CFAP299: variants seen among roughly 807,000 people sequenced by gnomAD.
CFAP299 encodes the protein cilia- and flagella-associated protein 299.
CFAP299 carries 21 observed loss-of-function variants against 27.0 expected under a neutral mutation model. The ratio of observed to expected loss-of-function variants is 0.78; its 90% CI spans 0.55 to 1.12. CFAP299 has a LOEUF of 1.12. CFAP299 is among the 50% of genes most tolerant of loss of function. CFAP299 has a pLI of 0.00. For missense variants in CFAP299, 310 were observed against 276.6 expected (o/e 1.12, Z -0.86); for synonymous variants, 104 against 98.1 (o/e 1.06, Z -0.36).
intron 4 of CFAP299, among the ~76,000 whole-genome samples, chr4:80,932,761 A>G (rs1736684517): frequency 6.6e-6 from 1 of 152,190 alleles, no homozygotes; most frequent in African/African-American, 2.4e-5. Context: ...CAGTGTTTAA[A>G]TGATTTGTAG....
chr4:80,611,508 T>C (rs1438027372), intron 3 of CFAP299, among the ~76,000 whole-genome samples: 1 of 152,122 alleles, frequency 6.6e-6, no homozygotes, highest in Non-Finnish European at 1.5e-5. Context: ...AGTTACACTC[T>C]GATAACTTTG....
chr4:80,833,969 A>C (rs1218293767), intron 3 of CFAP299, among the ~76,000 whole-genome samples: 4 of 152,224 alleles, frequency 2.6e-5, no homozygotes. Flanking sequence ...AGTAGATGGA[A>C]GCGTTCACTG....
rs543731351 is a variant in CFAP299 at position 80,768,909 on chromosome 4, T to C, written c.334-101084T>C. Among the ~76,000 whole-genome samples the C allele has an allele frequency of 1.1e-4, 17 of 152,282 alleles. No individual in the cohort carries two copies. The South Asian group carries it at 2.3e-3, about 20-fold the overall frequency. On this transcript the variant is annotated intron_variant, in intron 3 of 5. Coordinates refer to ENST00000358105, the MANE Select transcript of CFAP299 (RefSeq NM_152770.3). ...TGAAGTGTACCTTAACAATAATTAATAGCATATGCTATGATAGCTCAGAGG... is the reference window on the plus strand; with the variant it reads ...TGAAGTGTACCTTAACAATAATTAACAGCATATGCTATGATAGCTCAGAGG...
chr4:80,660,245 T>G (rs1740773817), intron 3 of CFAP299, among the ~76,000 whole-genome samples: 1 of 152,088 alleles, frequency 6.6e-6, no homozygotes, highest in African/African-American at 2.4e-5. Flanking sequence ...ACCTGGTTTC[T>G]CCAACAAATC....
At chr4:80,387,856 G>A (rs967722780) in intron 2 of CFAP299, 2 of 1,288,796 alleles carry the variant, frequency 1.6e-6, no homozygotes, top group Middle Eastern at 1.9e-4. Flanking sequence ...TTTAGCCCGT[G>A]GGGTCTTCAG....
At chr4:80,392,310 G>T (rs750367138) in intron 2 of CFAP299, among the ~76,000 whole-genome samples, 3 of 152,178 alleles carry the variant, frequency 2.0e-5, no homozygotes, top group Non-Finnish European at 4.4e-5. Flanking sequence ...GGGACTGTTG[G>T]AAGGGCATGA....
chr4:80,677,757 A>T (rs1352745200), intron 3 of CFAP299, among the ~76,000 whole-genome samples: 1 of 152,076 alleles, frequency 6.6e-6, no homozygotes, highest in African/African-American at 2.4e-5. Context: ...TCACAATGTA[A>T]TGCCTTGCTA....
chr4:80,522,639 T>C (rs1168595787), intron 2 of CFAP299, among the ~76,000 whole-genome samples: 1 of 152,162 alleles, frequency 6.6e-6, no homozygotes, highest in Non-Finnish European at 1.5e-5. Flanking sequence ...TTAGATCTTA[T>C]GTTTGTCTTT....
chr4:80,361,047 T>C lies in CFAP299; in HGVS notation c.112-1707T>C, dbSNP rs116693018. Among the ~76,000 whole-genome samples, 152 of 152,338 alleles carry C rather than the reference T, an allele frequency of 1.0e-3. 1 individual carries two copies. Among genetic ancestry groups the C allele is most frequent in the Non-Finnish European group, 1.9e-3 (132 of 68,034 alleles). On this transcript the variant is annotated intron_variant, in intron 1 of 5. Coordinates refer to ENST00000358105, the MANE Select transcript of CFAP299 (RefSeq NM_152770.3). Reference sequence around the variant, plus strand: ...GTAGCTTTGCTCTTAACTAGGATATTTCAAGACATGCAAGAAATACGTTGT... The same window carrying C: ...GTAGCTTTGCTCTTAACTAGGATATCTCAAGACATGCAAGAAATACGTTGT...
intron 3 of CFAP299, among the ~76,000 whole-genome samples, chr4:80,694,457 T>C (rs1337891299): frequency 6.6e-6 from 1 of 152,246 alleles, no homozygotes; most frequent in Non-Finnish European, 1.5e-5. Flanking sequence ...TATTATGCTC[T>C]CAACTTTGAT....
At chr4:80,774,001 A>G (rs1726374398) in intron 3 of CFAP299, among the ~76,000 whole-genome samples, 2 of 151,308 alleles carry the variant, frequency 1.3e-5, no homozygotes, top group Non-Finnish European at 3.0e-5. Flanking sequence ...AAATAATTTA[A>G]TTAAGTTTAA....
chr4:80,447,130 G>GTTTTTTGTTTT (rs1728663118), intron 2 of CFAP299, among the ~76,000 whole-genome samples: 2 of 105,320 alleles, frequency 1.9e-5, no homozygotes, highest in Admixed American at 1.0e-4. Flanking sequence ...TTTTTTTTTT[G>GTTTTTTGTTTT]TTTTTTTTTT....
intron 3 of CFAP299, among the ~76,000 whole-genome samples, chr4:80,812,183 G>A (rs1435569402): frequency 1.3e-5 from 2 of 152,058 alleles, no homozygotes; most frequent in Non-Finnish European, 2.9e-5. Context: ...AGGAGGATAG[G>A]TTGACCAATG....
At chr4:80,745,331 G>A (rs1392803661) in intron 3 of CFAP299, among the ~76,000 whole-genome samples, 1 of 152,004 alleles carries the variant, frequency 6.6e-6, no homozygotes, top group African/African-American at 2.4e-5. Context: ...TAAAAATAAT[G>A]TTACTAAAAT....
chr4:80,936,212 A>G (rs2110223159), intron 4 of CFAP299, among the ~76,000 whole-genome samples: 1 of 152,234 alleles, frequency 6.6e-6, no homozygotes, highest in South Asian at 2.1e-4. Context: ...TAGTTCAACC[A>G]TTGTGGAAAA....
intron 2 of CFAP299, among the ~76,000 whole-genome samples, chr4:80,432,097 C>G (rs1727844866): frequency 6.6e-6 from 1 of 152,106 alleles, no homozygotes; most frequent in Non-Finnish European, 1.5e-5. Context: ...AAAAGAAAAT[C>G]AAAATGGAAA....
At chr4:80,358,201 A>C (rs1277262651) in intron 1 of CFAP299, among the ~76,000 whole-genome samples, 2 of 152,012 alleles carry the variant, frequency 1.3e-5, no homozygotes, top group Non-Finnish European at 2.9e-5. Flanking sequence ...GGTCCAAGAT[A>C]TTGTTTGTTA....
chr4:80,475,324 G>A (rs1212750163), intron 2 of CFAP299, among the ~76,000 whole-genome samples: 4 of 152,170 alleles, frequency 2.6e-5, no homozygotes, highest in African/African-American at 7.2e-5. Context: ...ACCAGTTACC[G>A]GATACTGTAG....
intron 2 of CFAP299, among the ~76,000 whole-genome samples, chr4:80,480,011 G>T (rs541535438): frequency 6.6e-6 from 1 of 151,986 alleles, no homozygotes; most frequent in South Asian, 2.1e-4. Context: ...ATAGTTATAT[G>T]CAGCTGTAGC....
Sources: gnomAD v4.1 joint callset for allele counts (sites outside exome capture counted in the v4.1 genomes callset) on GRCh38, gnomAD v4.1.1 for gene constraint, MANE v1.5 for transcripts, NCBI Gene and HGNC (gene_info 2026-07-23, HGNC 2026-07-21) for gene names.